YEATS2: variants seen among roughly 807,000 people sequenced by gnomAD.
YEATS2 encodes YEATS domain-containing protein 2.
In YEATS2, 77 loss-of-function variants were observed where a neutral mutation model predicts 163.2. That is an observed-to-expected ratio of 0.47 (90% CI 0.39 to 0.57). The LOEUF (loss-of-function observed/expected upper bound fraction) is 0.57, where lower values mean the gene tolerates loss of function less well. YEATS2 is among the 20% of genes least tolerant of loss of function. The pLI, the probability that YEATS2 is intolerant of heterozygous loss-of-function variation, is 0.00. For synonymous variants in YEATS2, 631 were observed against 645.1 expected, an observed-to-expected ratio of 0.98 and a Z score of 0.33; for missense variants, 1,549 against 1,729.8, an observed-to-expected ratio of 0.90 and a Z score of 1.85.
chr3:183,808,131 A>G (rs1406220788), intron 29 of YEATS2, 27 bp downstream of exon 29: 8 of 1,546,264 alleles, frequency 5.2e-6, no homozygotes, highest in African/African-American at 1.4e-5. Flanking sequence ...GCCGCCAGCC[A>G]GGAAGGATGG....
intron 7 of YEATS2, among the ~76,000 whole-genome samples, chr3:183,729,720 A>G (rs1014887817): frequency 3.3e-5 from 5 of 151,546 alleles, no homozygotes; most frequent in African/African-American, 1.2e-4. Flanking sequence ...CACACAGGCT[A>G]GAGTGCAGTG....
intron 5 of YEATS2, 96 bp from the exon 6 acceptor site, chr3:183,724,323 T>C: frequency 1.1e-6 from 1 of 902,206 alleles, no homozygotes; most frequent in Non-Finnish European, 1.7e-6. Context: ...TTAAAAAAAC[T>C]TAGTTATTCC....
At chr3:183,767,728 G>T (rs533292249) in intron 15 of YEATS2, among the ~76,000 whole-genome samples, 1 of 151,180 alleles carries the variant, frequency 6.6e-6, no homozygotes, top group African/African-American at 2.4e-5. Context: ...TGTTCATCAC[G>T]CTGGTCTCAA....
chr3:183,804,477 C>T (rs940324917), intron 27 of YEATS2, among the ~76,000 whole-genome samples: 4 of 152,216 alleles, frequency 2.6e-5, no homozygotes, highest in African/African-American at 9.6e-5. Flanking sequence ...CCTAATCCAT[C>T]TCCTTTCCTG....
chr3:183,711,305 CA>C (rs1327245752), intron 1 of YEATS2, among the ~76,000 whole-genome samples: 12 of 150,734 alleles, frequency 8.0e-5, no homozygotes, highest in Non-Finnish European at 8.8e-5. Flanking sequence ...CCCGTCTCCA[CA>C]AAAATACAAA....
At chr3:183,768,431 G>C (rs1439674414) in intron 15 of YEATS2, among the ~76,000 whole-genome samples, 1 of 152,190 alleles carries the variant, frequency 6.6e-6, no homozygotes, top group Non-Finnish European at 1.5e-5. Flanking sequence ...CATTGCCCCA[G>C]CTGAAAACTG....
intron 8 of YEATS2, among the ~76,000 whole-genome samples, chr3:183,740,846 C>G (rs1718874892): frequency 6.6e-6 from 1 of 152,214 alleles, no homozygotes; most frequent in East Asian, 1.9e-4. Flanking sequence ...AAGAAGATGC[C>G]ATCTAGGACT....
At position 183,756,038 on chromosome 3, in the gene YEATS2, A is replaced by G. The variant is rs60489477; in HGVS notation, c.1391-490A>G. Among the ~76,000 whole-genome samples the G allele has an allele frequency of 6.5e-3, 993 of 152,130 alleles. 18 individuals are homozygous for G. The highest frequency in any genetic ancestry group is 0.022 in the African/African-American group (928 of 41,516). ...TGGGATTACAGGCACGAGCCACTGC[A>G]CCTGGTGTCTCATGCCCGGTCTCTA... On this transcript the variant is annotated intron_variant, in intron 11 of 30. Coordinates refer to ENST00000305135, the MANE Select transcript of YEATS2 (RefSeq NM_018023.5).
intron 12 of YEATS2, among the ~76,000 whole-genome samples, chr3:183,758,537 C>T (rs937401094): frequency 1.3e-5 from 2 of 152,060 alleles, no homozygotes; most frequent in African/African-American, 4.8e-5. Flanking sequence ...GTTATAGTGT[C>T]TTTTATTGTA....
chr3:183,807,142 G>C, intron 28 of YEATS2, 50 bp downstream of exon 28: 2 of 1,534,882 alleles, frequency 1.3e-6, no homozygotes, highest in Non-Finnish European at 1.8e-6. Context: ...CTCAGAGCTA[G>C]ATGTTCAGAC....
At chr3:183,701,278 G>A (rs924770381) in intron 1 of YEATS2, among the ~76,000 whole-genome samples, 7 of 151,818 alleles carry the variant, frequency 4.6e-5, no homozygotes, top group Admixed American at 1.3e-4. Context: ...TATTAGAGAC[G>A]GGGTTTCACC....
rs759531876 is a variant in YEATS2 at position 183,736,804 on chromosome 3, G to A, written c.899G>A (p.Arg300Gln). The A allele has an allele frequency of 3.7e-6, 6 of 1,613,664 alleles. No homozygotes were observed. Among genetic ancestry groups the A allele is most frequent in the Admixed American group, 1.7e-5 (1 of 59,956 alleles). ...QVHFKDSQNK[R>Q]IDIIHNLKLD... is the part of the protein sequence containing the mutation. The stretch of plus-strand genomic sequence containing the variant: ...CATTTTAAGGACAGCCAGAACAAGC[G>A]GATAGATATCATACATAATCTGAAG... Residue 300 changes from arginine (R) to glutamine (Q), a missense_variant, in exon 8 of 31, where the codon CGG (arginine) becomes CAG (glutamine). By Grantham distance (43) the Arg-to-Gln change is conservative. Transcript: ENST00000305135.
In YEATS2 at chr3:183,786,131, C is replaced by T; in HGVS notation, c.2743C>T (p.His915Tyr). 2 of 1,612,320 alleles carry T rather than the reference C, an allele frequency of 1.2e-6. No individual in the cohort carries two copies. The highest frequency in any genetic ancestry group is 1.7e-6 in the Non-Finnish European group (2 of 1,178,582). Residue 915 changes from histidine (H) to tyrosine (Y), a missense_variant, in exon 20 of 31, where the codon CAT (histidine) becomes TAT (tyrosine). Physicochemically the swap from His to Tyr is moderately conservative, Grantham distance 83. Coordinates refer to ENST00000305135, the MANE Select transcript of YEATS2 (RefSeq NM_018023.5). The part of the protein sequence containing the change: ...QKTTLFTQAA[H>Y]GGQASLMKIS... ...GCCCATCTTGTTTCTGCAGGCAGCC[C>T]ATGGAGGACAGGCATCTCTAATGAA...
At chr3:183,731,174 C>T (rs1189015501) in intron 7 of YEATS2, among the ~76,000 whole-genome samples, 2 of 151,854 alleles carry the variant, frequency 1.3e-5, no homozygotes, top group African/African-American at 4.8e-5. Context: ...TGGCTCGTGC[C>T]TGTAATCCTA....
chr3:183,779,383 G>A (rs1723333621), intron 19 of YEATS2, among the ~76,000 whole-genome samples: 1 of 152,190 alleles, frequency 6.6e-6, no homozygotes, highest in South Asian at 2.1e-4. Flanking sequence ...GCAGTTCACT[G>A]TAGACAGTTC....
intron 21 of YEATS2, among the ~76,000 whole-genome samples, chr3:183,796,416 G>A (rs573545276): frequency 1.3e-5 from 2 of 151,482 alleles, no homozygotes; most frequent in African/African-American, 2.4e-5. Context: ...ACAGTTTTAC[G>A]TGGAAATGGG....
intron 8 of YEATS2, among the ~76,000 whole-genome samples, chr3:183,738,754 AG>A (rs1718636951): frequency 8.3e-6 from 1 of 120,628 alleles, no homozygotes; most frequent in Non-Finnish European, 1.7e-5. Flanking sequence ...ATGGCTGCAT[AG>A]TATTCCATGG....
Position 183,724,502 on chromosome 3 carries a change from G to T in YEATS2, c.621G>T (p.Lys207Asn), listed in dbSNP as rs991662940. ...ATGAGACTTCACGACTTTTTGTAAA[G>T]AAAACAATAGTAGTGGGCAATGTGT... ...LTDETSRLFV[K>N]KTIVVGNVSK... Residue 207 changes from lysine (K) to asparagine (N), a missense_variant, in exon 6 of 31, where the codon AAG becomes AAT. Physicochemically the swap from Lys to Asn is moderately conservative, Grantham distance 94. Transcript: ENST00000305135. The T allele has an allele frequency of 1.9e-6, 3 of 1,613,176 alleles. No individual in the cohort carries two copies. The African/African-American group carries it at 4.0e-5, about 22-fold the overall frequency.
At chr3:183,796,068 C>T (rs751656546) in intron 21 of YEATS2, among the ~76,000 whole-genome samples, 45 of 150,550 alleles carry the variant, frequency 3.0e-4, no homozygotes, top group Non-Finnish European at 5.0e-4. Context: ...CTGAAACCTC[C>T]GCCTCCCGAG....
Sources: gnomAD v4.1 joint callset for allele counts (sites outside exome capture counted in the v4.1 genomes callset) on GRCh38, gnomAD v4.1.1 for gene constraint, MANE v1.5 for transcripts, NCBI Gene and HGNC (gene_info 2026-07-23, HGNC 2026-07-21) for gene names.